Variants in AGR2 observed in about 807,000 individuals in gnomAD.
AGR2 encodes the protein anterior gradient protein 2 homolog.
A neutral mutation model predicts 25.9 loss-of-function variants in AGR2; 27 were observed. The observed-to-expected ratio is 1.04, with a 90% confidence interval of 0.77 to 1.44. AGR2 has a LOEUF of 1.44. Among genes scored for constraint, AGR2 ranks in the 40% most tolerant of loss-of-function variants. The probability of loss-of-function intolerance (pLI) is 0.00; values close to 1 mark genes in which losing one functional copy is unlikely to be tolerated. For synonymous variants in AGR2, 78 were observed against 72.0 expected, an observed-to-expected ratio of 1.08 and a Z score of -0.42; for missense variants, 182 against 200.9, an observed-to-expected ratio of 0.91 and a Z score of 0.57.
chr7:16,792,001 G>A lies in AGR2; in HGVS notation c.*907C>T, dbSNP rs939459578. On this transcript the variant is annotated 3_prime_UTR_variant, in exon 8 of 8. Coordinates refer to ENST00000419304, the MANE Select transcript of AGR2 (RefSeq NM_006408.4). ...ACATTAACACACAATTCTAATTTCTGTTAGGCAGAATGCTCCCCTACCCTG... is the reference window on the plus strand; with the variant it reads ...ACATTAACACACAATTCTAATTTCTATTAGGCAGAATGCTCCCCTACCCTG... 1 of 152,186 alleles carries A rather than the reference G, an allele frequency of 6.6e-6. No individual in the cohort carries two copies. Among genetic ancestry groups the A allele is most frequent in the African/African-American group, 2.4e-5 (1 of 41,446 alleles). 9.4% of individuals were successfully genotyped at this position (152,186 alleles called of 1,614,324 possible).
At chr7:16,796,682 G>A (rs1047690600) in intron 6 of AGR2, among the ~76,000 whole-genome samples, 7 of 152,144 alleles carry the variant, frequency 4.6e-5, no homozygotes, top group African/African-American at 1.7e-4. Flanking sequence ...TGCCATAGGG[G>A]CTTATAGTCC....
rs1212763756 is a variant in AGR2 at position 16,797,702 on chromosome 7, AAAAAG to A, written c.331-13_331-9del. ...TTTGTCAGTTGTTTCATACTAAAATAAAAAGAAAAGCATCTTTTAGTTTACTTTGA... is the reference window on the plus strand; with the variant it reads ...TTTGTCAGTTGTTTCATACTAAAATAAAAAGCATCTTTTAGTTTACTTTGA... On this transcript the variant is annotated splice_polypyrimidine_tract_variant and intron_variant, in intron 5 of 7. Coordinates refer to ENST00000419304, the MANE Select transcript of AGR2 (RefSeq NM_006408.4). 1 of 1,611,952 alleles carries A rather than the reference AAAAAG, an allele frequency of 6.2e-7. No homozygotes were observed. The highest frequency in any genetic ancestry group is 1.3e-5 in the African/African-American group (1 of 74,968).
intron 7 of AGR2, among the ~76,000 whole-genome samples, chr7:16,794,126 G>A (rs1397689315): frequency 6.6e-6 from 1 of 152,168 alleles, no homozygotes; most frequent in African/African-American, 2.4e-5. Context: ...TTCCCAACAT[G>A]ACGTTCTAAG....
At chr7:16,803,534 A>G (rs914800469) in intron 1 of AGR2, among the ~76,000 whole-genome samples, 10 of 152,138 alleles carry the variant, frequency 6.6e-5, no homozygotes, top group African/African-American at 2.4e-5. Context: ...AAGTGTTGCT[A>G]AGCTACCAGA....
chr7:16,804,297 C>CACACACA (rs1320228269), intron 1 of AGR2, among the ~76,000 whole-genome samples: 14 of 151,382 alleles, frequency 9.2e-5, no homozygotes, highest in African/African-American at 3.4e-4. Flanking sequence ...CACACACACA[C>CACACACA]ATTATGTGAA....
In AGR2 at chr7:16,792,689, T is replaced by C; in HGVS notation, c.*219A>G. 2.1e-6 allele frequency: 1 copy of C among 480,440 alleles called. No individual in the cohort carries two copies. Among genetic ancestry groups the C allele is most frequent in the South Asian group, 4.0e-5 (1 of 24,902 alleles). 29.8% of individuals were successfully genotyped at this position (480,440 alleles called of 1,614,324 possible). A position where few individuals can be genotyped will look rare whatever the true frequency, so the allele number is the denominator to read the frequency against. On this transcript the variant is annotated 3_prime_UTR_variant, in exon 8 of 8. Transcript: ENST00000419304. ...AACATTTATTTTTTTTTTTAGAAAA[T>C]CATGGCTCACTATGGTAGTATACAA...
intron 1 of AGR2, among the ~76,000 whole-genome samples, chr7:16,802,534 T>C (rs1267437429): frequency 2.6e-5 from 4 of 152,230 alleles, no homozygotes; most frequent in Non-Finnish European, 4.4e-5. Flanking sequence ...TTTTTATGAA[T>C]ACTCTATTGG....
intron 5 of AGR2, 199 bp downstream of exon 5, chr7:16,799,545 T>A (rs540736887): frequency 1.9e-6 from 1 of 514,580 alleles, no homozygotes; most frequent in South Asian, 3.3e-5. Flanking sequence ...CTAAGATGAT[T>A]AATTACTAAA....
At chr7:16,796,926 C>G (rs1029363985) in intron 6 of AGR2, among the ~76,000 whole-genome samples, 6 of 128,872 alleles carry the variant, frequency 4.7e-5, no homozygotes, top group Admixed American at 1.7e-4. Context: ...ACCTCATATT[C>G]CTTTTTTTTT....
rs781313324 is a variant in AGR2 at position 16,801,212 on chromosome 7, GAC to G, written c.204-11_204-10del. The G allele has an allele frequency of 6.2e-7, 1 of 1,613,704 alleles. No individual in the cohort carries two copies. The highest frequency in any genetic ancestry group is 1.7e-5 in the Admixed American group (1 of 59,970). On this transcript the variant is annotated splice_polypyrimidine_tract_variant and intron_variant, in intron 3 of 7. Coordinates refer to ENST00000419304, the MANE Select transcript of AGR2 (RefSeq NM_006408.4). ...TCATCAAGGGTTTGTTGCTTTAAAA[GAC>G]AGAGATTAGACAAATTTTAATGAGT...
intron 2 of AGR2, 80 bp from the exon 3 acceptor site, chr7:16,801,463 G>T (rs1785141931): frequency 1.4e-6 from 2 of 1,384,120 alleles, no homozygotes; most frequent in African/African-American, 2.9e-5. Context: ...GTAAAGACTG[G>T]GATAATAGAC....
chr7:16,801,890 T>C, intron 1 of AGR2, 87 bp from the exon 2 acceptor site: 1 of 1,148,468 alleles, frequency 8.7e-7, no homozygotes, highest in Admixed American at 2.5e-5. Context: ...CGGTGGAATA[T>C]ACCAGAAACT....
At chr7:16,799,587 A>G (rs1456402006) in intron 5 of AGR2, 157 bp downstream of exon 5, 1 of 553,796 alleles carries the variant, frequency 1.8e-6, no homozygotes, top group Non-Finnish European at 3.2e-6. Flanking sequence ...GATTATTAAT[A>G]CAACGAAATA....
At chr7:16,804,267 TACAC>T (rs113991647) in intron 1 of AGR2, among the ~76,000 whole-genome samples, 1,853 of 107,540 alleles carry the variant, frequency 0.017, 34 homozygotes, top group African/African-American at 0.053. Context: ...CAGACATAGG[TACAC>T]ACACACACAC....
intron 5 of AGR2, among the ~76,000 whole-genome samples, chr7:16,798,033 C>G (rs931781836): frequency 2.6e-5 from 4 of 152,160 alleles, no homozygotes; most frequent in African/African-American, 9.7e-5. Context: ...ATTACGGAGA[C>G]AAGTACGGGA....
chr7:16,793,429 G>T (rs1249857478), intron 7 of AGR2, among the ~76,000 whole-genome samples: 2 of 152,242 alleles, frequency 1.3e-5, no homozygotes, highest in African/African-American at 4.8e-5. Context: ...TGGCTTTTGT[G>T]ACAATCTAGT....
chr7:16,794,197 C>A (rs552191051), intron 7 of AGR2, among the ~76,000 whole-genome samples: 13 of 152,088 alleles, frequency 8.5e-5, no homozygotes, highest in Non-Finnish European at 1.5e-4. Context: ...GGGCATTGAG[C>A]ACTTGGAATA....
Position 16,801,165 on chromosome 7 carries a change from C to T in AGR2, c.242G>A (p.Cys81Tyr), listed in dbSNP as rs758760850. 1.2e-6 allele frequency: 2 copies of T among 1,613,698 alleles called. No individual in the cohort carries two copies. The highest frequency in any genetic ancestry group is 1.7e-6 in the Non-Finnish European group (2 of 1,179,754). ...PLMIIHHLDE[C>Y]PHSQALKKVF... ...GAATAAATTACCTTGACTGTGTGGGCACTCATCCAAGTGATGAATAATCAT... is the reference window on the plus strand; with the variant it reads ...GAATAAATTACCTTGACTGTGTGGGTACTCATCCAAGTGATGAATAATCAT... The change falls in exon 4 of 8, where the codon TGC becomes TAC. Residue 81 changes from cysteine (C) to tyrosine (Y), a missense_variant. Physicochemically the swap from Cys to Tyr is radical, Grantham distance 194 (BLOSUM62 -2). Coordinates refer to ENST00000419304, the MANE Select transcript of AGR2 (RefSeq NM_006408.4).
intron 4 of AGR2, among the ~76,000 whole-genome samples, chr7:16,800,156 T>C (rs1234809202): frequency 6.6e-6 from 1 of 152,210 alleles, no homozygotes; most frequent in East Asian, 1.9e-4. Context: ...CATACTTGTG[T>C]GGGAGACAAA....
Sources: allele counts gnomAD v4.1 joint callset (sites outside exome capture counted in the v4.1 genomes callset), GRCh38; gene constraint gnomAD v4.1.1; transcripts MANE v1.5; gene names NCBI Gene and HGNC (gene_info 2026-07-23, HGNC 2026-07-21).